Variants in KIAA0825 observed in about 807,000 individuals in gnomAD.
KIAA0825 encodes KIAA0825, also known as uncharacterized protein KIAA0825.
In KIAA0825, 119 loss-of-function variants were observed where a neutral mutation model predicts 147.6. The ratio of observed to expected loss-of-function variants is 0.81; its 90% CI spans 0.69 to 0.94. KIAA0825 has a LOEUF of 0.94. Ranked by LOEUF, KIAA0825 falls within the 40% of genes least tolerant of loss-of-function variation. KIAA0825 has a pLI of 0.00. For synonymous variants in KIAA0825, 470 were observed against 518.1 expected (o/e 0.91, Z 1.26); for missense variants, 1,381 against 1,472.7 (o/e 0.94, Z 1.02).
chr5:94,160,423 T>C (rs1334364387), intron 20 of KIAA0825, among the ~76,000 whole-genome samples: 2 of 150,098 alleles, frequency 1.3e-5, no homozygotes, highest in Non-Finnish European at 3.0e-5. Flanking sequence ...AGTATACATA[T>C]GTATACAGTA....
intron 20 of KIAA0825, among the ~76,000 whole-genome samples, chr5:94,310,210 C>T (rs1779037752): frequency 6.6e-6 from 1 of 151,608 alleles, no homozygotes; most frequent in Non-Finnish European, 1.5e-5. Flanking sequence ...TTGTTATTCT[C>T]ATTGCCAGTT....
intron 13 of KIAA0825, among the ~76,000 whole-genome samples, chr5:94,450,003 C>T (rs1336611878): frequency 2.6e-5 from 4 of 151,986 alleles, no homozygotes; most frequent in Non-Finnish European, 5.9e-5. Flanking sequence ...TCGCTTGAAC[C>T]TGGGAGGCAG....
In KIAA0825 at chr5:94,462,424, A is replaced by C. The variant is rs1279395651; in HGVS notation, c.2209T>G (p.Leu737Val). ...GTTAATGGTGAAGTCAAAATGACTAATGTTGTAAACAGATTATTACAATGA... is the reference window on the plus strand; with the variant it reads ...GTTAATGGTGAAGTCAAAATGACTACTGTTGTAAACAGATTATTACAATGA... ...HTHCNNLFTTLVILTSPLTEL... is the reference protein window; with the variant it reads ...HTHCNNLFTTVVILTSPLTEL... The change falls in exon 12 of 21, where the codon TTA (leucine) becomes GTA (valine). Residue 737 changes from leucine to valine, a missense_variant. Leu to Val is a conservative substitution (Grantham distance 32). Transcript: ENST00000682413. 1.4e-6 allele frequency: 2 copies of C among 1,473,040 alleles called. No homozygotes were observed. Among genetic ancestry groups the C allele is most frequent in the Non-Finnish European group, 1.8e-6 (2 of 1,084,604 alleles). The allele number at this position is 1,473,040 out of a possible 1,614,324, so 91.2% of individuals were successfully genotyped here. A position where few individuals can be genotyped will look rare whatever the true frequency, so the allele number is the denominator to read the frequency against.
chr5:94,348,086 C>T (rs958345526), intron 20 of KIAA0825, among the ~76,000 whole-genome samples: 2 of 151,998 alleles, frequency 1.3e-5, no homozygotes, highest in African/African-American at 2.4e-5. Context: ...CCCAATCCAA[C>T]AAAGACAAAG....
At chr5:94,320,412 C>T (rs778474402) in intron 20 of KIAA0825, among the ~76,000 whole-genome samples, 3 of 150,288 alleles carry the variant, frequency 2.0e-5, no homozygotes, top group Admixed American at 6.7e-5. Flanking sequence ...ACTCTACCTT[C>T]GAACACTAGA....
chr5:94,267,688 G>T (rs187060935), intron 20 of KIAA0825, among the ~76,000 whole-genome samples: 88 of 152,256 alleles, frequency 5.8e-4, no homozygotes, highest in Non-Finnish European at 9.3e-4. Flanking sequence ...AAGTATGCCA[G>T]GTTCTTGACT....
chr5:94,353,053 T>A (rs2150371598), intron 20 of KIAA0825, among the ~76,000 whole-genome samples: 1 of 152,118 alleles, frequency 6.6e-6, no homozygotes, highest in African/African-American at 2.4e-5. Context: ...CAAATACACC[T>A]GTACCCCAAT....
At chr5:94,233,775 A>T (rs1389757517) in intron 20 of KIAA0825, among the ~76,000 whole-genome samples, 2 of 152,224 alleles carry the variant, frequency 1.3e-5, no homozygotes, top group Non-Finnish European at 2.9e-5. Context: ...TTCTGCTGAT[A>T]ACTTGGAGAA....
At chr5:94,198,213 T>A (rs1771322105) in intron 20 of KIAA0825, among the ~76,000 whole-genome samples, 1 of 152,252 alleles carries the variant, frequency 6.6e-6, no homozygotes, top group Non-Finnish European at 1.5e-5. Flanking sequence ...TTATTCCTTT[T>A]GTGGCTACTC....
intron 6 of KIAA0825, among the ~76,000 whole-genome samples, chr5:94,479,942 CT>C (rs2151025267): frequency 6.6e-6 from 1 of 152,014 alleles, no homozygotes; most frequent in African/African-American, 2.4e-5. Context: ...TGTTTGTTTT[CT>C]TGTTGAATTT....
At chr5:94,402,986 G>A (rs1387523829) in intron 16 of KIAA0825, among the ~76,000 whole-genome samples, 1 of 151,996 alleles carries the variant, frequency 6.6e-6, no homozygotes, top group Non-Finnish European at 1.5e-5. Flanking sequence ...GTAACTGATA[G>A]TTCTTAAGTA....
chr5:94,449,579 G>A (rs1758136804), intron 13 of KIAA0825, among the ~76,000 whole-genome samples: 1 of 152,058 alleles, frequency 6.6e-6, no homozygotes, highest in African/African-American at 2.4e-5. Flanking sequence ...AGGGAAGAAG[G>A]GAAAGAAGGA....
intron 20 of KIAA0825, among the ~76,000 whole-genome samples, chr5:94,205,796 A>AT: frequency 6.6e-6 from 1 of 151,996 alleles, no homozygotes; most frequent in Non-Finnish European, 1.5e-5. Flanking sequence ...GACGCACCTG[A>AT]TTTTCCCCTA....
chr5:94,609,088 T>C (rs1788198809), intron 1 of KIAA0825, among the ~76,000 whole-genome samples: 1 of 152,230 alleles, frequency 6.6e-6, no homozygotes, highest in South Asian at 2.1e-4. Context: ...TAAATTTTAA[T>C]AAAATTCCAC....
chr5:94,267,367 A>G (rs1334076896), intron 20 of KIAA0825, among the ~76,000 whole-genome samples: 2 of 152,174 alleles, frequency 1.3e-5, no homozygotes, highest in Non-Finnish European at 2.9e-5. Context: ...TCTGTACTGG[A>G]GCATCACTTC....
chr5:94,362,625 G>GATCACAGAGGA (rs879611909), intron 20 of KIAA0825, among the ~76,000 whole-genome samples: 2 of 151,612 alleles, frequency 1.3e-5, no homozygotes, highest in Non-Finnish European at 3.0e-5. Flanking sequence ...GTACTTATAT[G>GATCACAGAGGA]GTAACTTGCA....
chr5:94,544,102 C>A (rs1341433319), intron 2 of KIAA0825, among the ~76,000 whole-genome samples: 1 of 152,194 alleles, frequency 6.6e-6, no homozygotes. Flanking sequence ...GATCCAAGAA[C>A]CCTCTCTTGG....
At chr5:94,370,781 A>C (rs564105459) in intron 20 of KIAA0825, among the ~76,000 whole-genome samples, 2 of 151,708 alleles carry the variant, frequency 1.3e-5, no homozygotes, top group African/African-American at 4.8e-5. Context: ...TGGTGGTGGG[A>C]GCCTGTAGTC....
At chr5:94,372,838 C>G (rs1482224495) in intron 20 of KIAA0825, among the ~76,000 whole-genome samples, 1 of 152,208 alleles carries the variant, frequency 6.6e-6, no homozygotes, top group Admixed American at 6.5e-5. Flanking sequence ...CTTTGTCAGT[C>G]TGCAAATTTT....
Sources: allele counts gnomAD v4.1 joint callset (sites outside exome capture counted in the v4.1 genomes callset), GRCh38; gene constraint gnomAD v4.1.1; transcripts MANE v1.5; gene names NCBI Gene and HGNC (gene_info 2026-07-23, HGNC 2026-07-21).